The following DUSP11 variants were observed in gnomAD, a reference collection of about 807,000 sequenced individuals.
The protein encoded by DUSP11 is RNA/RNP complex-1-interacting phosphatase.
A neutral mutation model predicts 41.4 loss-of-function variants in DUSP11; 27 were observed. That is an observed-to-expected ratio of 0.65 (90% CI 0.48 to 0.90). The LOEUF is 0.90. Ranked by LOEUF, DUSP11 falls within the 40% of genes least tolerant of loss-of-function variation. The pLI, the probability that DUSP11 is intolerant of heterozygous loss-of-function variation, is 0.00. For synonymous variants in DUSP11, 188 were observed against 159.3 expected (o/e 1.18, Z -1.35); for missense variants, 465 against 461.1 (o/e 1.01, Z -0.08).
chr2:73,772,343 T>C (rs1047037222), intron 4 of DUSP11, among the ~76,000 whole-genome samples: 5 of 152,182 alleles, frequency 3.3e-5, no homozygotes, highest in Non-Finnish European at 5.9e-5. Context: ...GAGCCTGTTA[T>C]CTGTGGGAAG....
chr2:73,769,739 G>A (rs138445483), intron 4 of DUSP11, among the ~76,000 whole-genome samples: 1 of 152,200 alleles, frequency 6.6e-6, no homozygotes, highest in Non-Finnish European at 1.5e-5. Flanking sequence ...TAGTACTCTT[G>A]AGTTCCCGAA....
intron 4 of DUSP11, among the ~76,000 whole-genome samples, chr2:73,771,951 G>A (rs1464168897): frequency 6.6e-6 from 1 of 151,170 alleles, no homozygotes; most frequent in Non-Finnish European, 1.5e-5. Context: ...CCCCCGAGTA[G>A]CTTGGACTAC....
intron 4 of DUSP11, among the ~76,000 whole-genome samples, chr2:73,770,524 A>C (rs948822805): frequency 6.6e-6 from 1 of 151,778 alleles, no homozygotes; most frequent in African/African-American, 2.4e-5. Context: ...CAAAAAAAAA[A>C]AAAAGAAAGA....
rs1672627141 is a variant in DUSP11, at chr2:73,773,693, G to A, written c.574+107C>T. On this transcript the variant is annotated intron_variant, in intron 4 of 8. Transcript: ENST00000272444. ...ACCATCTGACATTTTCATCACCTTAGCATCATTAAATACAACAGGTCTGAG... is the reference window on the plus strand; with the variant it reads ...ACCATCTGACATTTTCATCACCTTAACATCATTAAATACAACAGGTCTGAG... 4 of 1,132,786 alleles carry A rather than the reference G, an allele frequency of 3.5e-6. No individual in the cohort carries two copies. In the South Asian group the frequency reaches 6.8e-5, roughly 19 times the overall value. The allele number at this position is 1,132,786 out of a possible 1,614,324, so 70.2% of individuals were successfully genotyped here. A position where few individuals can be genotyped will look rare whatever the true frequency, so the allele number is the denominator to read the frequency against.
At chr2:73,772,533 T>G (rs1208996586) in intron 4 of DUSP11, among the ~76,000 whole-genome samples, 1 of 152,204 alleles carries the variant, frequency 6.6e-6, no homozygotes, top group Non-Finnish European at 1.5e-5. Flanking sequence ...AAATGTGTTC[T>G]CATGTATTCA....
chr2:73,766,747 A>G, intron 7 of DUSP11, 81 bp downstream of exon 7: 1 of 1,381,622 alleles, frequency 7.2e-7, no homozygotes, highest in African/African-American at 1.4e-5. Context: ...AGCTACCAGA[A>G]GAATGAACAT....
chr2:73,762,839 T>G, exon 9 of DUSP11: 2 of 1,581,264 alleles, frequency 1.3e-6, no homozygotes, highest in Non-Finnish European at 1.7e-6. Flanking sequence ...CTGGTAAACA[T>G]GTGGATTCTC....
At chr2:73,774,066 A>G in intron 3 of DUSP11, 143 bp from the exon 4 acceptor site, 1 of 613,402 alleles carries the variant, frequency 1.6e-6, no homozygotes. Flanking sequence ...CTGATAAAAG[A>G]GCCATTTTTT....
intron 8 of DUSP11, among the ~76,000 whole-genome samples, chr2:73,765,461 C>T (rs1162712679): frequency 6.6e-6 from 1 of 152,188 alleles, no homozygotes. Context: ...CCCTGGTTCT[C>T]CAGTTTGCAG....
chr2:73,779,528 T>G, intron 1 of DUSP11: 1 of 313,642 alleles, frequency 3.2e-6, no homozygotes, highest in South Asian at 4.1e-5. Context: ...ACTCAAACCA[T>G]TACACTTTCC....
chr2:73,764,797 A>AT (rs1486845988), intron 8 of DUSP11, among the ~76,000 whole-genome samples: 3 of 152,124 alleles, frequency 2.0e-5, no homozygotes, highest in Admixed American at 6.5e-5. Flanking sequence ...TGAAACCCCC[A>AT]TCTCTACTAA....
chr2:73,780,046 G>C lies in DUSP11; in HGVS notation c.70C>G (p.Pro24Ala). ...GCCAGTCCGGCGCCCTCAATGCCAG[G>C]ATAAGACCCTAAACAGGAAAAGACT... The change falls in exon 1 of 9, where the codon CCT (proline) becomes GCT (alanine). Residue 24 changes from proline (P) to alanine (A), a missense_variant. Pro to Ala is a conservative substitution (Grantham distance 27). In the 5' UTR this introduces an upstream ATG that the reference lacks. Transcript: ENST00000272444. The C allele has an allele frequency of 6.2e-7, 1 of 1,612,814 alleles. No homozygotes were observed.
At chr2:73,765,015 A>G (rs988204821) in intron 8 of DUSP11, among the ~76,000 whole-genome samples, 23 of 152,216 alleles carry the variant, frequency 1.5e-4, no homozygotes, top group African/African-American at 5.3e-4. Flanking sequence ...CAAGAATAAT[A>G]GCTTGCTATT....
rs372165676 is a variant in DUSP11, at chr2:73,770,735, G to A, written c.575-1410C>T. On this transcript the variant is annotated intron_variant, in intron 4 of 8. Transcript: ENST00000272444. ...GGCATTTAGAATCCTTCATAAACTG[G>A]TATCAATCTGTCTTTCCAACCGATC... Among the ~76,000 whole-genome samples, 658 of 152,116 alleles carry A rather than the reference G, an allele frequency of 4.3e-3. 7 individuals are homozygous for A. Among genetic ancestry groups the A allele is most frequent in the African/African-American group, 0.015 (632 of 41,490 alleles).
chr2:73,767,230 G>T (rs773046905), intron 5 of DUSP11, 23 bp from the exon 6 acceptor site: 1 of 1,597,492 alleles, frequency 6.3e-7, no homozygotes, highest in Non-Finnish European at 8.5e-7. Context: ...CATAATTTGG[G>T]TCATTTATAT....
chr2:73,780,061 A>C (rs1240071336), exon 1 of DUSP11: 1 of 1,608,714 alleles, frequency 6.2e-7, no homozygotes, highest in Non-Finnish European at 8.5e-7. Context: ...GACCCTAAAC[A>C]GGAAAAGACT....
exon 4 of DUSP11, chr2:73,773,836 C>T (rs1198320836): frequency 2.5e-6 from 4 of 1,607,386 alleles, no homozygotes; most frequent in East Asian, 2.2e-5. Flanking sequence ...CCATTAACAG[C>T]GTGTTTGAAT....
In DUSP11 at chr2:73,766,799, A is replaced by G. The variant is rs1672474313; in HGVS notation, c.758+29T>C. 5.8e-6 allele frequency: 9 copies of G among 1,556,178 alleles called. No homozygotes were observed. The East Asian group carries it at 2.0e-4, about 35-fold the overall frequency. ...ATAAACAGAGATCTCCCTGACCCAC[A>G]AATCTCACATATATAACATAAGACT... On this transcript the variant is annotated intron_variant, in intron 7 of 8. Transcript: ENST00000272444.
intron 1 of DUSP11, among the ~76,000 whole-genome samples, chr2:73,779,095 G>A (rs1039817315): frequency 6.6e-6 from 1 of 152,214 alleles, no homozygotes; most frequent in African/African-American, 2.4e-5. Context: ...AGGTTGCAGT[G>A]AGCCGAGATT....
Sources: allele counts gnomAD v4.1 joint callset (sites outside exome capture counted in the v4.1 genomes callset), GRCh38; gene constraint gnomAD v4.1.1; transcripts MANE v1.5; gene names NCBI Gene and HGNC (gene_info 2026-07-23, HGNC 2026-07-21).